The following FRY variants were observed in gnomAD, a reference collection of about 807,000 sequenced individuals.
The protein encoded by FRY is protein furry homolog.
Under a neutral mutation model 348.4 loss-of-function variants are expected in FRY, and 128 were observed. The ratio of observed to expected loss-of-function variants is 0.37; its 90% CI spans 0.32 to 0.43. The LOEUF is 0.43. Ranked by LOEUF, FRY falls within the 20% of genes least tolerant of loss-of-function variation. The probability of loss-of-function intolerance (pLI) is 1.00; values close to 1 mark genes in which losing one functional copy is unlikely to be tolerated. For synonymous variants in FRY, 1,370 were observed against 1,374.7 expected (o/e 1.00, Z 0.08); for missense variants, 2,736 against 3,695.2 (o/e 0.74, Z 6.73).
At chr13:32,175,696 G>C in intron 20 of FRY, 64 bp downstream of exon 20, 1 of 955,794 alleles carries the variant, frequency 1.0e-6, no homozygotes, top group Non-Finnish European at 1.7e-6. Flanking sequence ...AAAATAGTCA[G>C]TGAAAAATTA....
At chr13:32,261,539 T>C (rs1887648524) in intron 51 of FRY, 77 bp from the exon 52 acceptor site, 1 of 1,177,004 alleles carries the variant, frequency 8.5e-7, no homozygotes, top group East Asian at 2.3e-5. Flanking sequence ...GTTCCCAAGC[T>C]ATGACTAATT....
chr13:32,290,944 T>C (rs1413795431), intron 59 of FRY, among the ~76,000 whole-genome samples: 1 of 152,144 alleles, frequency 6.6e-6, no homozygotes, highest in Non-Finnish European at 1.5e-5. Context: ...GGCGATGCTG[T>C]GTCCAGACAG....
chr13:32,143,325 GC>G (rs1880201638), intron 11 of FRY, among the ~76,000 whole-genome samples: 1 of 152,188 alleles, frequency 6.6e-6, no homozygotes, highest in Admixed American at 6.5e-5. Flanking sequence ...ATCTTGAAAT[GC>G]TAAAAACCAA....
intron 10 of FRY, 147 bp from the exon 11 acceptor site, chr13:32,136,724 C>T (rs1481975660): frequency 4.2e-6 from 3 of 717,012 alleles, no homozygotes; most frequent in Non-Finnish European, 7.8e-6. Flanking sequence ...GCCCTGCATC[C>T]ACTGGGCACT....
intron 36 of FRY, among the ~76,000 whole-genome samples, chr13:32,221,233 A>G (rs1885296142): frequency 6.6e-6 from 1 of 152,250 alleles, no homozygotes; most frequent in South Asian, 2.1e-4. Context: ...TAAGGCCAGC[A>G]TTCTACACTG....
At chr13:32,260,319 C>A (rs1887563246) in intron 51 of FRY, among the ~76,000 whole-genome samples, 1 of 152,060 alleles carries the variant, frequency 6.6e-6, no homozygotes, top group East Asian at 1.9e-4. Flanking sequence ...TGAAAAGATT[C>A]TGTACTAGAT....
chr13:32,228,173 A>G lies in FRY; in HGVS notation c.5207-283A>G, dbSNP rs184091911. On this transcript the variant is annotated intron_variant, in intron 39 of 60. Coordinates refer to ENST00000542859, the MANE Select transcript of FRY (RefSeq NM_023037.3). ...CATGCATGCATACAAACACGCATAC[A>G]TACCTTCCTTTTATAGAAAGTATCA... 7.9e-5 allele frequency among the ~76,000 whole-genome samples: 12 copies of G among 152,354 alleles called. No individual in the cohort carries two copies. The East Asian group carries it at 2.3e-3, about 29-fold the overall frequency.
intron 55 of FRY, among the ~76,000 whole-genome samples, chr13:32,272,237 T>G (rs1350850287): frequency 6.6e-6 from 1 of 152,226 alleles, no homozygotes; most frequent in Non-Finnish European, 1.5e-5. Context: ...TCCCAACATT[T>G]CCCTGTAAGT....
At position 32,169,786 on chromosome 13, in the gene FRY, T is replaced by G. The variant is rs189205181; in HGVS notation, c.1893-1226T>G. ...TTAGGAGGGTCTCTCTTAAAAGCCT[T>G]TGCTTATTAAATAAATGAATGAATA... On this transcript the variant is annotated intron_variant, in intron 17 of 60. Transcript: ENST00000542859. Among the ~76,000 whole-genome samples, 40 of 152,350 alleles carry G rather than the reference T, an allele frequency of 2.6e-4. 2 individuals are homozygous for G. The highest frequency in any genetic ancestry group is 9.6e-4 in the African/African-American group (40 of 41,576).
At chr13:32,222,022 A>G (rs1231410131) in intron 36 of FRY, among the ~76,000 whole-genome samples, 1 of 152,040 alleles carries the variant, frequency 6.6e-6, no homozygotes, top group African/African-American at 2.4e-5. Context: ...GGGAGGGACT[A>G]AAGCAGAGCG....
Position 32,031,968 on chromosome 13 carries a change from A to G in FRY, c.70+103A>G, listed in dbSNP as rs1351542513. On this transcript the variant is annotated intron_variant, in intron 1 of 60. Coordinates refer to ENST00000542859, the MANE Select transcript of FRY (RefSeq NM_023037.3). ...GGACACATATGTTTGTGAGCCGCGG[A>G]AGTTTTTCTTTTTTTCTTTTCTTTT... 8.7e-6 allele frequency: 6 copies of G among 687,134 alleles called. No homozygotes were observed. In the East Asian group the frequency reaches 1.6e-4, roughly 19 times the overall value. The allele number at this position is 687,134 out of a possible 1,614,324, so 42.6% of individuals were successfully genotyped here. A position where few individuals can be genotyped will look rare whatever the true frequency, so the allele number is the denominator to read the frequency against.
chr13:32,178,407 C>G lies in FRY; in HGVS notation c.2652C>G (p.Leu884=), dbSNP rs754803214. The G allele has an allele frequency of 8.1e-6, 13 of 1,614,038 alleles. No individual in the cohort carries two copies. Among genetic ancestry groups the G allele is most frequent in the East Asian group, 6.7e-5 (3 of 44,892 alleles). The change falls in exon 21 of 61, where the codon CTC becomes CTG. Residue 884 remains leucine (L), a synonymous_variant. Coordinates refer to ENST00000542859, the MANE Select transcript of FRY (RefSeq NM_023037.3). ...SYAWPYAFTR[L]QSVMPLVDPN... is the part of the protein sequence containing the mutation. Reference sequence around the variant, plus strand: ...CCTGGCCTTATGCCTTCACTCGGCTCCAGTCGGTGATGCCTCTGGTGGACC... The same window carrying G: ...CCTGGCCTTATGCCTTCACTCGGCTGCAGTCGGTGATGCCTCTGGTGGACC...
At chr13:32,071,662 G>A (rs1874665882) in intron 1 of FRY, among the ~76,000 whole-genome samples, 1 of 152,120 alleles carries the variant, frequency 6.6e-6, no homozygotes, top group Non-Finnish European at 1.5e-5. Context: ...CCACGTATAT[G>A]CAGTATCTAA....
intron 1 of FRY, among the ~76,000 whole-genome samples, chr13:32,045,811 C>T (rs1872988936): frequency 6.6e-6 from 1 of 152,180 alleles, no homozygotes; most frequent in South Asian, 2.1e-4. Flanking sequence ...AAAGGAATAA[C>T]ATCTGCTACT....
rs575352321 is a variant in FRY, at chr13:32,219,928, G to A, written c.4765+1097G>A. ...TTTGTGACAGGAATTTCTTCTGGTA[G>A]TTGGGAAAACCAAAAAGGTCAGTGC... On this transcript the variant is annotated intron_variant, in intron 36 of 60. Coordinates refer to ENST00000542859, the MANE Select transcript of FRY (RefSeq NM_023037.3). Among the ~76,000 whole-genome samples, 25 of 152,310 alleles carry A rather than the reference G, an allele frequency of 1.6e-4. No homozygotes were observed. The South Asian group carries it at 1.9e-3, about 11-fold the overall frequency.
Position 32,155,357 on chromosome 13 carries a change from T to G in FRY, c.1480-134T>G, listed in dbSNP as rs1881047515. 4.1e-6 allele frequency: 3 copies of G among 726,088 alleles called. No individual in the cohort carries two copies. In the Admixed American group the frequency reaches 6.1e-5, roughly 15 times the overall value. 45.0% of individuals were successfully genotyped at this position (726,088 alleles called of 1,614,324 possible). On this transcript the variant is annotated intron_variant, in intron 14 of 60. Transcript: ENST00000542859. The stretch of plus-strand genomic sequence containing the variant: ...TAATTTTCATAAGATTGCTCTACAC[T>G]CTTGTGGCTTTTAAATTATTTTCTC...
At chr13:32,179,434 C>T (rs1882562684) in intron 22 of FRY, among the ~76,000 whole-genome samples, 1 of 148,292 alleles carries the variant, frequency 6.7e-6, no homozygotes, top group Non-Finnish European at 1.5e-5. Context: ...AAAAGAAGAC[C>T]GTTATAAAAA....
At chr13:32,046,901 A>C (rs1049937131) in intron 1 of FRY, among the ~76,000 whole-genome samples, 2 of 152,184 alleles carry the variant, frequency 1.3e-5, no homozygotes, top group African/African-American at 4.8e-5. Flanking sequence ...ACTAAACAAG[A>C]GTTTTTTCTG....
chr13:32,295,276 G>C lies in FRY; in HGVS notation c.8858G>C (p.Arg2953Pro). 2 of 1,613,874 alleles carry C rather than the reference G, an allele frequency of 1.2e-6. No homozygotes were observed. The highest frequency in any genetic ancestry group is 1.7e-6 in the Non-Finnish European group (2 of 1,179,882). Reference protein sequence around the residue: ...EVQTLLNIYFRHQTLGQTGTY... With the variant: ...EVQTLLNIYFPHQTLGQTGTY... ...CAGACACTACTGAATATTTATTTCC[G>C]TCACCAAACTCTGGGACAGACGGGT... is the stretch of plus-strand genomic sequence containing the variant. Residue 2953 changes from arginine to proline, a missense_variant, in exon 61 of 61, where the codon CGT (arginine) becomes CCT (proline). By Grantham distance (103) the Arg-to-Pro change is moderately radical (BLOSUM62 -2). Transcript: ENST00000542859.
Sources: allele counts gnomAD v4.1 joint callset (sites outside exome capture counted in the v4.1 genomes callset), GRCh38; gene constraint gnomAD v4.1.1; transcripts MANE v1.5; gene names NCBI Gene and HGNC (gene_info 2026-07-23, HGNC 2026-07-21).